SFMBT1: variants seen among roughly 807,000 people sequenced by gnomAD.
The protein encoded by SFMBT1 is Scm like with four mbt domains 1.
A neutral mutation model predicts 108.7 loss-of-function variants in SFMBT1; 32 were observed. The ratio of observed to expected loss-of-function variants is 0.29; its 90% CI spans 0.22 to 0.40. The LOEUF is 0.40. Ranked by LOEUF, SFMBT1 falls within the 10% of genes least tolerant of loss-of-function variation. The probability of loss-of-function intolerance (pLI) is 1.00; values close to 1 mark genes in which losing one functional copy is unlikely to be tolerated. For missense variants in SFMBT1, 816 were observed against 1,059.6 expected (o/e 0.77, Z 3.19); for synonymous variants, 348 against 369.5 (o/e 0.94, Z 0.67).
chr3:53,005,527 G>GTC (rs1698709511), intron 1 of SFMBT1, among the ~76,000 whole-genome samples: 1 of 152,178 alleles, frequency 6.6e-6, no homozygotes, highest in Non-Finnish European at 1.5e-5. Flanking sequence ...GCCCAGGCTG[G>GTC]TCTCAAACTC....
intron 9 of SFMBT1, among the ~76,000 whole-genome samples, chr3:52,926,933 C>T (rs1197394863): frequency 1.3e-5 from 2 of 152,098 alleles, no homozygotes; most frequent in African/African-American, 4.8e-5. Context: ...CTCCCTTTGC[C>T]CCAACCTCAA....
At chr3:52,990,511 T>C (rs1705082791) in intron 1 of SFMBT1, among the ~76,000 whole-genome samples, 1 of 152,178 alleles carries the variant, frequency 6.6e-6, no homozygotes, top group South Asian at 2.1e-4. Flanking sequence ...CAAAGCAATC[T>C]TTAAAGAAAA....
Position 52,918,485 on chromosome 3 carries a change from GT to G in SFMBT1, c.1413del (p.Lys471AsnfsTer13). The G allele has an allele frequency of 6.4e-7, 1 of 1,557,952 alleles. No individual in the cohort carries two copies. The highest frequency in any genetic ancestry group is 1.2e-5 in the South Asian group (1 of 80,374). On this transcript the variant is annotated frameshift_variant and splice_region_variant, in exon 13 of 21. Transcript: ENST00000394752. LOFTEE classifies it high-confidence loss of function. ...TGTTCATATTATTACGTTACTTACT[GT>G]TTTTCTGGCTGAACCACTGCAATTT... ...QRKIAVVQPE[K>X]QVPSSRTVHE...
At chr3:52,916,319 C>G in intron 13 of SFMBT1, 105 bp from the exon 14 acceptor site, 1 of 848,282 alleles carries the variant, frequency 1.2e-6, no homozygotes, top group Non-Finnish European at 1.9e-6. Context: ...GTGGCATGTT[C>G]GCAAAATCTG....
At chr3:52,932,430 A>C in intron 5 of SFMBT1, 122 bp from the exon 6 acceptor site, 2 of 910,982 alleles carry the variant, frequency 2.2e-6, no homozygotes, top group South Asian at 1.8e-5. Flanking sequence ...AGCCAGTGAC[A>C]CTAAATTGTC....
intron 1 of SFMBT1, among the ~76,000 whole-genome samples, chr3:52,986,826 G>A (rs1208906669): frequency 4.7e-5 from 7 of 148,030 alleles, no homozygotes; most frequent in Admixed American, 4.1e-4. Context: ...TGTAATACCA[G>A]CTACTCAGGA....
chr3:52,918,912 G>GT (rs1452322674), intron 12 of SFMBT1, among the ~76,000 whole-genome samples: 1 of 151,700 alleles, frequency 6.6e-6, no homozygotes, highest in Non-Finnish European at 1.5e-5. Context: ...GGACCAGGGG[G>GT]TGGGGGGTCA....
intron 1 of SFMBT1, among the ~76,000 whole-genome samples, chr3:53,040,369 C>T (rs758247792): frequency 6.6e-6 from 1 of 152,120 alleles, no homozygotes; most frequent in Non-Finnish European, 1.5e-5. Flanking sequence ...TTAGTAATTG[C>T]TAAATTTCTC....
intron 10 of SFMBT1, among the ~76,000 whole-genome samples, chr3:52,924,654 A>C (rs1439026747): frequency 1.1e-5 from 1 of 93,864 alleles, no homozygotes; most frequent in Non-Finnish European, 2.4e-5. Flanking sequence ...GAAGAACAAA[A>C]AACAAACAAC....
At chr3:53,040,993 T>C (rs1700031186) in intron 1 of SFMBT1, among the ~76,000 whole-genome samples, 1 of 121,382 alleles carries the variant, frequency 8.2e-6, no homozygotes, top group Admixed American at 8.5e-5. Flanking sequence ...TTTTTTTTTT[T>C]TTTTTTTTTT....
chr3:53,031,725 T>C (rs1699693732), intron 1 of SFMBT1, among the ~76,000 whole-genome samples: 1 of 152,132 alleles, frequency 6.6e-6, no homozygotes, highest in African/African-American at 2.4e-5. Flanking sequence ...CCATGGTGAT[T>C]AAAAGACAGA....
intron 1 of SFMBT1, among the ~76,000 whole-genome samples, chr3:53,024,220 C>T (rs1309984902): frequency 6.6e-6 from 1 of 152,204 alleles, no homozygotes; most frequent in East Asian, 1.9e-4. Context: ...GGTGTGCTTG[C>T]TTCCAAGTCT....
chr3:53,031,293 C>T (rs1699677700), intron 1 of SFMBT1, among the ~76,000 whole-genome samples: 1 of 152,204 alleles, frequency 6.6e-6, no homozygotes, highest in South Asian at 2.1e-4. Context: ...GGAGCTGCCC[C>T]ACCCCACACC....
Position 52,994,437 on chromosome 3 carries a change from CA to C in SFMBT1, c.-130-25180del, listed in dbSNP as rs556879378. On this transcript the variant is annotated intron_variant, in intron 1 of 20. Transcript: ENST00000394752. ...CAACACCAACTATTGAACTATCTTTCAAAAAAAAAAATCAAACTTGAATCTG... is the reference window on the plus strand; with the variant it reads ...CAACACCAACTATTGAACTATCTTTCAAAAAAAAAATCAAACTTGAATCTG... Among the ~76,000 whole-genome samples, 40 of 143,698 alleles carry C rather than the reference CA, an allele frequency of 2.8e-4. 1 individual carries two copies. The highest frequency in any genetic ancestry group is 6.0e-4 in the East Asian group (3 of 4,998). The allele number at this position is 143,698 out of a possible 152,430, so 94.3% of individuals were successfully genotyped here.
intron 1 of SFMBT1, among the ~76,000 whole-genome samples, chr3:53,019,818 C>G (rs754987153): frequency 5.9e-5 from 9 of 152,310 alleles, no homozygotes; most frequent in Admixed American, 4.6e-4. Context: ...CACAAACCTA[C>G]TTAAAACCTT....
chr3:52,907,403 G>T, intron 18 of SFMBT1, 89 bp from the exon 19 acceptor site: 1 of 1,524,456 alleles, frequency 6.6e-7, no homozygotes, highest in Non-Finnish European at 8.7e-7. Flanking sequence ...AGAAAGAAAA[G>T]AAATTCAGGA....
At chr3:52,934,746 C>G (rs959728573) in intron 5 of SFMBT1, 67 bp downstream of exon 5, 21 of 1,346,400 alleles carry the variant, frequency 1.6e-5, no homozygotes, top group Non-Finnish European at 2.2e-5. Context: ...AATAAGCAAC[C>G]GATTTTAAGA....
At chr3:52,950,474 C>T (rs1703535722) in intron 3 of SFMBT1, among the ~76,000 whole-genome samples, 1 of 152,016 alleles carries the variant, frequency 6.6e-6, no homozygotes, top group Non-Finnish European at 1.5e-5. Context: ...GCTGTCATTA[C>T]TTTTTTTGTT....
chr3:52,982,729 CAA>C (rs34099481), intron 1 of SFMBT1, among the ~76,000 whole-genome samples: 143 of 69,090 alleles, frequency 2.1e-3, no homozygotes, highest in South Asian at 5.0e-3. Context: ...ACTCCCATCT[CAA>C]AAAAAAAAAA....
Sources: allele counts gnomAD v4.1 joint callset (sites outside exome capture counted in the v4.1 genomes callset), GRCh38; gene constraint gnomAD v4.1.1; transcripts MANE v1.5; gene names NCBI Gene and HGNC (gene_info 2026-07-23, HGNC 2026-07-21).